Variants in PGBD1 observed in about 807,000 individuals in gnomAD.
The protein encoded by PGBD1 is piggyBac transposable element-derived protein 1.
Under a neutral mutation model 34.7 loss-of-function variants are expected in PGBD1, and 25 were observed. The observed-to-expected ratio is 0.72, with a 90% CI of 0.52 to 1.00. The LOEUF is 1.00. PGBD1 is among the 50% of genes least tolerant of loss of function. The pLI is 0.00. For synonymous variants in PGBD1, 292 were observed against 335.7 expected (o/e 0.87, Z 1.42); for missense variants, 830 against 959.4 (o/e 0.87, Z 1.78).
chr6:28,283,388 AT>A (rs1041008282), intron 1 of PGBD1, among the ~76,000 whole-genome samples: 12 of 152,240 alleles, frequency 7.9e-5, no homozygotes, highest in Admixed American at 7.9e-4. Context: ...TTACACCTAC[AT>A]TTAAAGTGGA....
At chr6:28,284,286 T>C in intron 2 of PGBD1, 77 bp downstream of exon 2, 1 of 1,378,242 alleles carries the variant, frequency 7.3e-7, no homozygotes. Context: ...CGTTTTATTT[T>C]GAAATAACTC....
rs777545906 is a variant in PGBD1, at chr6:28,302,047, G to A, written c.2193G>A (p.Val731=). ...TAAGTCAACCATCCATAGTAAAAGT[G>A]TATGATGAATGCAAGGAAGGTGTAG... is the stretch of plus-strand genomic sequence containing the variant. ...PQISQPSIVK[V]YDECKEGVAK... is the part of the protein sequence containing the mutation. Residue 731 remains valine, a synonymous_variant, in exon 7 of 7, where the codon GTG becomes GTA. Coordinates refer to ENST00000682144, the MANE Select transcript of PGBD1 (RefSeq NM_032507.4). The A allele has an allele frequency of 2.5e-6, 4 of 1,614,152 alleles. No individual in the cohort carries two copies. Among genetic ancestry groups the A allele is most frequent in the Admixed American group, 1.7e-5 (1 of 60,028 alleles).
chr6:28,285,705 G>A lies in PGBD1; in HGVS notation c.551G>A (p.Ser184Asn), dbSNP rs771663112. ...CCTCAAGGGAACCCCCAAGAAGTGA[G>A]TGGTGAGTGCTCGAGTGAGTTTAGT... The part of the protein sequence containing the change: ...QRPQGNPQEV[S>N]GPVPHGSAHL... The change falls in exon 3 of 7, where the codon AGT becomes AAT. Residue 184 changes from serine to asparagine, a missense_variant and splice_region_variant. Around this residue, in one of 3 missense-constraint regions of PGBD1, gnomAD observed 457 missense variants for 515.4 expected, o/e 0.89. Coordinates refer to ENST00000682144, the MANE Select transcript of PGBD1 (RefSeq NM_032507.4). 3.1e-6 allele frequency: 5 copies of A among 1,613,086 alleles called. No individual in the cohort carries two copies. The highest frequency in any genetic ancestry group is 3.4e-6 in the Non-Finnish European group (4 of 1,179,772).
chr6:28,293,433 G>A (rs1425494814), intron 4 of PGBD1, among the ~76,000 whole-genome samples: 1 of 152,148 alleles, frequency 6.6e-6, no homozygotes, highest in African/African-American at 2.4e-5. Context: ...AAAATAAGGA[G>A]GTATGATATT....
intron 2 of PGBD1, 56 bp downstream of exon 2, chr6:28,284,265 T>A (rs1006270350): frequency 7.9e-5 from 115 of 1,450,754 alleles, no homozygotes; most frequent in Middle Eastern, 5.5e-4. Context: ...CATGTATCGG[T>A]TTATTTTTAA....
Position 28,302,099 on chromosome 6 carries a change from T to C in PGBD1, c.2245T>C (p.Tyr749His). ...TAAAATGGATCAAATTATTTCGAAATACAGGGTGAGGATAAGAAGCAAGAA... is the reference window on the plus strand; with the variant it reads ...TAAAATGGATCAAATTATTTCGAAACACAGGGTGAGGATAAGAAGCAAGAA... ...VAKMDQIISK[Y>H]RVRIRSKKWY... The change falls in exon 7 of 7, where the codon TAC (tyrosine) becomes CAC (histidine). Residue 749 changes from tyrosine to histidine, a missense_variant. Tyr to His is a moderately conservative substitution (Grantham distance 83). Around this residue, in one of 3 missense-constraint regions of PGBD1, gnomAD observed 372 missense variants for 427.9 expected, o/e 0.87. Coordinates refer to ENST00000682144, the MANE Select transcript of PGBD1 (RefSeq NM_032507.4). 1 of 1,614,042 alleles carries C rather than the reference T, an allele frequency of 6.2e-7. No homozygotes were observed. The highest frequency in any genetic ancestry group is 8.5e-7 in the Non-Finnish European group (1 of 1,179,950).
chr6:28,298,060 C>G, intron 6 of PGBD1, 69 bp downstream of exon 6: 1 of 1,108,758 alleles, frequency 9.0e-7, no homozygotes, highest in African/African-American at 1.6e-5. Flanking sequence ...ATCAGAGAAA[C>G]CAATTGGTCA....
intron 4 of PGBD1, among the ~76,000 whole-genome samples, chr6:28,291,030 C>G (rs1436396939): frequency 6.7e-6 from 1 of 149,218 alleles, no homozygotes; most frequent in African/African-American, 2.5e-5. Context: ...CCTAATGATA[C>G]ACCTCAAGGA....
In PGBD1 at chr6:28,302,417, C is replaced by A; in HGVS notation, c.*133C>A. ...TTAAATAATACTTTTAAAAATCAGA[C>A]ATTTATATAGAGTTTCAAAGACTAT... On this transcript the variant is annotated 3_prime_UTR_variant, in exon 7 of 7. Transcript: ENST00000682144. The A allele has an allele frequency of 1.1e-6, 1 of 949,526 alleles. No homozygotes were observed. Among genetic ancestry groups the A allele is most frequent in the Non-Finnish European group, 1.5e-6 (1 of 665,962 alleles). The allele number at this position is 949,526 out of a possible 1,614,324, so 58.8% of individuals were successfully genotyped here.
At chr6:28,295,246 T>A (rs1198831733) in intron 4 of PGBD1, among the ~76,000 whole-genome samples, 1 of 152,202 alleles carries the variant, frequency 6.6e-6, no homozygotes, top group African/African-American at 2.4e-5. Context: ...TTACTTCTTA[T>A]GGGTGAGAAA....
chr6:28,296,711 A>G, intron 4 of PGBD1, 105 bp from the exon 5 acceptor site: 1 of 1,305,434 alleles, frequency 7.7e-7, no homozygotes, highest in Non-Finnish European at 1.1e-6. Context: ...AAATGCCCTG[A>G]GGGGCTGGGA....
Position 28,302,176 on chromosome 6 carries a change from A to G in PGBD1, c.2322A>G (p.Ala774=), listed in dbSNP as rs1251363853. 7 of 1,614,088 alleles carry G rather than the reference A, an allele frequency of 4.3e-6. No individual in the cohort carries two copies. The highest frequency in any genetic ancestry group is 2.2e-5 in the South Asian group (2 of 91,090). ...SYMIDVAMNN[A]WQLHRACNPG... is the part of the protein sequence containing the mutation. ...TGATTGATGTAGCCATGAACAATGC[A>G]TGGCAACTACACAGAGCCTGTAACC... Residue 774 remains alanine, a synonymous_variant, in exon 7 of 7, where the codon GCA becomes GCG. Transcript: ENST00000682144.
intron 3 of PGBD1, among the ~76,000 whole-genome samples, chr6:28,285,939 G>A (rs1400384241): frequency 6.6e-6 from 1 of 152,082 alleles, no homozygotes; most frequent in Non-Finnish European, 1.5e-5. Flanking sequence ...TCTGTACGTA[G>A]GTCTTCAGAG....
intron 1 of PGBD1, 80 bp downstream of exon 1, chr6:28,281,998 T>A (rs1762144664): frequency 6.6e-6 from 1 of 152,212 alleles, no homozygotes; most frequent in Admixed American, 6.5e-5. Context: ...GTTGGTGATC[T>A]GTAATACGAG....
rs1762791259 is a variant in PGBD1 at position 28,300,466 on chromosome 6, G to A, written c.870-258G>A. On this transcript the variant is annotated intron_variant, in intron 6 of 6. Coordinates refer to ENST00000682144, the MANE Select transcript of PGBD1 (RefSeq NM_032507.4). The surrounding 1 kb of genome is among the most constrained non-coding windows in gnomAD (Gnocchi z 4.0). ...CATCCTGCTCCTAAAGAGGACAGAGGGAGGAGTGTACCAAGGATACTCAGT... is the reference window on the plus strand; with the variant it reads ...CATCCTGCTCCTAAAGAGGACAGAGAGAGGAGTGTACCAAGGATACTCAGT... Among the ~76,000 whole-genome samples the A allele has an allele frequency of 1.3e-5, 2 of 152,156 alleles. No individual in the cohort carries two copies. Among genetic ancestry groups the A allele is most frequent in the Non-Finnish European group, 2.9e-5 (2 of 68,036 alleles).
Position 28,301,667 on chromosome 6 carries a change from A to T in PGBD1, c.1813A>T (p.Asn605Tyr). The change falls in exon 7 of 7, where the codon AAT becomes TAT. Residue 605 changes from asparagine to tyrosine, a missense_variant. Asn to Tyr is a moderately radical substitution (Grantham distance 143). Transcript: ENST00000682144. ...GGATCCTGATCTTGGGTTAGGTGGA[A>T]ATCTAGTGATGAACTTCGCTGATGT... ...DEDPDLGLGG[N>Y]LVMNFADVLL... is the part of the protein sequence containing the mutation. 6.2e-7 allele frequency: 1 copy of T among 1,614,200 alleles called. No individual in the cohort carries two copies. Among genetic ancestry groups the T allele is most frequent in the Non-Finnish European group, 8.5e-7 (1 of 1,180,034 alleles).
At position 28,284,005 on chromosome 6, in the gene PGBD1, A is replaced by G. The variant is rs1241127665; in HGVS notation, c.192A>G (p.Gln64=). 6.2e-7 allele frequency: 1 copy of G among 1,614,068 alleles called. No homozygotes were observed. The highest frequency in any genetic ancestry group is 8.5e-7 in the Non-Finnish European group (1 of 1,179,988). The change falls in exon 2 of 7, where the codon CAA becomes CAG. Residue 64 remains glutamine (Q), a synonymous_variant. Transcript: ENST00000682144. ...ACGGACCCCAGGAAGCTCTGGCCCA[A>G]CTCCGAGAACTTTGTCATCAATGGC... The part of the protein sequence containing the change: ...EAHGPQEALA[Q]LRELCHQWLR...
chr6:28,288,169 G>C (rs913517540), intron 4 of PGBD1, among the ~76,000 whole-genome samples: 6 of 152,174 alleles, frequency 3.9e-5, no homozygotes, highest in Non-Finnish European at 8.8e-5. Flanking sequence ...GACAGAGAAA[G>C]TGGGGCCCTT....
intron 4 of PGBD1, among the ~76,000 whole-genome samples, chr6:28,294,916 A>G (rs1762581593): frequency 6.6e-6 from 1 of 152,214 alleles, no homozygotes; most frequent in Non-Finnish European, 1.5e-5. Context: ...TGAGAAATAC[A>G]TTTTTTAAGG....
Sources: gnomAD v4.1 joint callset for allele counts (sites outside exome capture counted in the v4.1 genomes callset) on GRCh38, gnomAD v4.1.1 for gene constraint, gnomAD v4.1.1 regional missense constraint, Gnocchi (gnomAD v3.1) non-coding constraint, MANE v1.5 for transcripts, NCBI Gene and HGNC (gene_info 2026-07-23, HGNC 2026-07-21) for gene names.